PRSS23: variants seen among roughly 807,000 people sequenced by gnomAD.
The protein encoded by PRSS23 is serine protease 23.
A neutral mutation model predicts 34.7 loss-of-function variants in PRSS23; 25 were observed. The ratio of observed to expected loss-of-function variants is 0.72; its 90% CI spans 0.53 to 1.01. PRSS23 has a LOEUF of 1.01. Ranked by LOEUF, PRSS23 falls within the 50% of genes least tolerant of loss-of-function variation. PRSS23 has a pLI of 0.00. For missense variants in PRSS23, 445 were observed against 475.6 expected, an observed-to-expected ratio of 0.94 and a Z score of 0.60; for synonymous variants, 176 against 186.6, an observed-to-expected ratio of 0.94 and a Z score of 0.46.
At chr11:86,855,839 T>G (rs1464906089) in intron 2 of PRSS23, among the ~76,000 whole-genome samples, 1 of 152,194 alleles carries the variant, frequency 6.6e-6, no homozygotes, top group Non-Finnish European at 1.5e-5. Flanking sequence ...AGTGAGGACA[T>G]GTAATATTTG....
intron 2 of PRSS23, among the ~76,000 whole-genome samples, chr11:86,908,606 C>A (rs776719208): frequency 2.0e-5 from 3 of 152,158 alleles, no homozygotes; most frequent in African/African-American, 4.8e-5. Context: ...CTATGGGATA[C>A]TGTGTAGCTA....
At position 86,808,931 on chromosome 11, in the gene PRSS23, C is replaced by T. The variant is rs1384480839; in HGVS notation, c.*136C>T. 1.5e-5 allele frequency: 11 copies of T among 737,766 alleles called. No individual in the cohort carries two copies. Among genetic ancestry groups the T allele is most frequent in the Middle Eastern group, 2.9e-4 (1 of 3,494 alleles). The allele number at this position is 737,766 out of a possible 1,614,324, so 45.7% of individuals were successfully genotyped here. A position where few individuals can be genotyped will look rare whatever the true frequency, so the allele number is the denominator to read the frequency against. ...GTGTAAGGTGTCTTATAATCTTTTA[C>T]CTATTTCTTACAATTGCAAGATGAC... On this transcript the variant is annotated 3_prime_UTR_variant, in exon 2 of 2. Transcript: ENST00000280258.
intron 2 of PRSS23, among the ~76,000 whole-genome samples, chr11:86,848,836 G>T (rs1322659037): frequency 6.6e-6 from 1 of 152,172 alleles, no homozygotes; most frequent in East Asian, 1.9e-4. Flanking sequence ...CAGACAGGCA[G>T]ACCTTGGTGG....
intron 2 of PRSS23, among the ~76,000 whole-genome samples, chr11:86,848,623 CA>C (rs1284431402): frequency 4.6e-5 from 7 of 152,140 alleles, no homozygotes; most frequent in African/African-American, 1.2e-4. Flanking sequence ...CCTGGAAGGC[CA>C]ACTTATTCTA....
intron 2 of PRSS23, among the ~76,000 whole-genome samples, chr11:86,894,372 C>T (rs1948861213): frequency 6.6e-6 from 1 of 152,190 alleles, no homozygotes; most frequent in Non-Finnish European, 1.5e-5. Flanking sequence ...CTACAACTTA[C>T]AGAGTTGTAA....
rs61904373 is a variant in PRSS23 at position 86,884,221 on chromosome 11, G to A, written c.206+60628G>A. On this transcript the variant is annotated intron_variant, in intron 2 of 2. Coordinates refer to the PRSS23 transcript ENST00000533902. ...TCTCTCCTTGACTGTTACATCTATC[G>A]CCATTTGGCCTATAGTTTTTGACCC... is the stretch of plus-strand genomic sequence containing the variant. 5.7e-3 allele frequency among the ~76,000 whole-genome samples: 866 copies of A among 151,980 alleles called. 5 individuals are homozygous for A. Among genetic ancestry groups the A allele is most frequent in the Non-Finnish European group, 9.4e-3 (636 of 67,990 alleles).
At chr11:86,920,671 C>T (rs912030146) in intron 2 of PRSS23, among the ~76,000 whole-genome samples, 28 of 151,956 alleles carry the variant, frequency 1.8e-4, no homozygotes, top group African/African-American at 6.3e-4. Flanking sequence ...GATGCCCTAC[C>T]GTAAAATCAA....
chr11:86,838,959 C>A (rs754084507), intron 2 of PRSS23, among the ~76,000 whole-genome samples: 1 of 152,026 alleles, frequency 6.6e-6, no homozygotes, highest in Non-Finnish European at 1.5e-5. Context: ...AAAAGGACAT[C>A]CACATGAAAA....
intron 2 of PRSS23, among the ~76,000 whole-genome samples, chr11:86,826,753 T>C (rs1948304395): frequency 1.3e-5 from 2 of 152,368 alleles, no homozygotes; most frequent in Middle Eastern, 3.4e-3. Context: ...GAGATAATCA[T>C]GTGATTTTTG....
intron 2 of PRSS23, among the ~76,000 whole-genome samples, chr11:86,865,106 TATTCTGAC>T (rs1274356644): frequency 6.6e-6 from 1 of 152,196 alleles, no homozygotes; most frequent in Non-Finnish European, 1.5e-5. Context: ...ACAGAGGCAT[TATTCTGAC>T]TACCACACAA....
chr11:86,824,058 A>C (rs1948277056), intron 2 of PRSS23, among the ~76,000 whole-genome samples: 1 of 150,534 alleles, frequency 6.6e-6, no homozygotes, highest in Non-Finnish European at 1.5e-5. Flanking sequence ...GCTTTGGTGA[A>C]GAGAAGTCAA....
chr11:86,832,492 A>C (rs775940880), intron 2 of PRSS23: 1 of 241,100 alleles, frequency 4.1e-6, no homozygotes, highest in Non-Finnish European at 8.4e-6. Context: ...CCCACACTAC[A>C]AAAGGAATGG....
intron 2 of PRSS23, among the ~76,000 whole-genome samples, chr11:86,877,626 C>T (rs914967040): frequency 6.6e-6 from 1 of 152,110 alleles, no homozygotes; most frequent in African/African-American, 2.4e-5. Context: ...ATTGTCTTGG[C>T]ACTCTTGTCA....
intron 2 of PRSS23, among the ~76,000 whole-genome samples, chr11:86,918,763 G>C (rs112395259): frequency 9.8e-5 from 15 of 152,316 alleles, no homozygotes; most frequent in African/African-American, 3.1e-4. Context: ...AGTTATTTCT[G>C]AATGGAGAGA....
At chr11:86,882,388 GTGT>G (rs777303192) in intron 2 of PRSS23, among the ~76,000 whole-genome samples, 3 of 152,058 alleles carry the variant, frequency 2.0e-5, no homozygotes, top group Non-Finnish European at 4.4e-5. Context: ...GCCCCAGTGT[GTGT>G]TGTTCCCCTC....
At chr11:86,872,641 T>C (rs1196806412) in intron 2 of PRSS23, among the ~76,000 whole-genome samples, 2 of 152,212 alleles carry the variant, frequency 1.3e-5, no homozygotes, top group South Asian at 4.1e-4. Context: ...TAATTTTTCA[T>C]ACAAGAAAAT....
intron 2 of PRSS23, among the ~76,000 whole-genome samples, chr11:86,872,636 T>A (rs1948692872): frequency 6.6e-6 from 1 of 152,198 alleles, no homozygotes; most frequent in Non-Finnish European, 1.5e-5. Flanking sequence ...AGACTTAATT[T>A]TTCATACAAG....
At chr11:86,801,052 A>C (rs1403952764) in intron 1 of PRSS23, among the ~76,000 whole-genome samples, 1 of 152,122 alleles carries the variant, frequency 6.6e-6, no homozygotes, top group Non-Finnish European at 1.5e-5. Flanking sequence ...TGAGTTTTGC[A>C]TATACCGGAT....
Position 86,808,336 on chromosome 11 carries a change from G to C in PRSS23, c.693G>C (p.Lys231Asn), listed in dbSNP as rs750808960. The change falls in exon 2 of 2, where the codon AAG becomes AAC. Residue 231 changes from lysine (K) to asparagine (N), a missense_variant. Coordinates refer to ENST00000280258, the MANE Select transcript of PRSS23 (RefSeq NM_007173.6). ...WIRVKRTHVP[K>N]GWIKGNANDI... ...GGGTGAAACGCACCCATGTGCCCAA[G>C]GGTTGGATCAAGGGCAATGCCAATG... 2 of 1,614,056 alleles carry C rather than the reference G, an allele frequency of 1.2e-6. No homozygotes were observed. The highest frequency in any genetic ancestry group is 1.7e-5 in the Admixed American group (1 of 60,008).
Sources: allele counts gnomAD v4.1 joint callset (sites outside exome capture counted in the v4.1 genomes callset), GRCh38; gene constraint gnomAD v4.1.1; transcripts MANE v1.5; gene names NCBI Gene and HGNC (gene_info 2026-07-23, HGNC 2026-07-21).